CNIH3: variants seen among roughly 807,000 people sequenced by gnomAD.
CNIH3 encodes the protein cornichon family AMPA receptor auxiliary protein 3, also known as protein cornichon homolog 3.
A neutral mutation model predicts 24.1 loss-of-function variants in CNIH3; 14 were observed. The observed-to-expected ratio is 0.58, with a 90% CI of 0.38 to 0.91. The LOEUF is 0.91. Ranked by LOEUF, CNIH3 falls within the 40% of genes least tolerant of loss-of-function variation. The pLI is 0.00. For missense variants in CNIH3, 178 were observed against 196.8 expected (o/e 0.90, Z 0.57); for synonymous variants, 68 against 73.8 (o/e 0.92, Z 0.40).
chr1:224,674,208 A>G (rs980323191), intron 1 of CNIH3, among the ~76,000 whole-genome samples: 1 of 142,638 alleles, frequency 7.0e-6, no homozygotes, highest in South Asian at 2.4e-4. Flanking sequence ...CTGATGGGGC[A>G]GCCCTGGGGA....
chr1:224,514,516 T>C (rs914510802), upstream of CNIH3, among the ~76,000 whole-genome samples: 2 of 152,226 alleles, frequency 1.3e-5, no homozygotes, highest in Non-Finnish European at 2.9e-5. Flanking sequence ...ATTTTTCAAA[T>C]ACATATTAAG....
intron 1 of CNIH3, among the ~76,000 whole-genome samples, chr1:224,663,348 C>A (rs1054008128): frequency 1.3e-5 from 2 of 152,168 alleles, no homozygotes. Context: ...ACCTCGACCT[C>A]CCACAGCTAT....
chr1:224,640,801 T>C (rs1343662221), intron 1 of CNIH3, among the ~76,000 whole-genome samples: 1 of 152,058 alleles, frequency 6.6e-6, no homozygotes, highest in Non-Finnish European at 1.5e-5. Flanking sequence ...AAGATTCCCC[T>C]TGTGTGTGTC....
intron 1 of CNIH3, among the ~76,000 whole-genome samples, chr1:224,650,319 A>T (rs542647460): frequency 1.3e-5 from 2 of 152,226 alleles, no homozygotes; most frequent in East Asian, 3.9e-4. Context: ...TTTCCACGGG[A>T]TACAAGTTTC....
rs1689782322 is a variant in CNIH3 at position 224,739,792 on chromosome 1, G to A, written c.*436G>A. 5.8e-6 allele frequency: 1 copy of A among 172,412 alleles called. No individual in the cohort carries two copies. Among genetic ancestry groups the A allele is most frequent in the Non-Finnish European group, 1.2e-5 (1 of 82,722 alleles). The allele number at this position is 172,412 out of a possible 1,614,324, so 10.7% of individuals were successfully genotyped here. A position where few individuals can be genotyped will look rare whatever the true frequency, so the allele number is the denominator to read the frequency against. ...ATGACCCAGAGTCAAGGCCAAGTCT[G>A]CAGGGACCTGTTGAAAGCCTCGAGA... On this transcript the variant is annotated 3_prime_UTR_variant, in exon 6 of 6. Coordinates refer to ENST00000272133, the MANE Select transcript of CNIH3 (RefSeq NM_152495.2).
chr1:224,462,328 TTA>T (rs1675949386), intron 1 of CNIH3, among the ~76,000 whole-genome samples: 1 of 152,232 alleles, frequency 6.6e-6, no homozygotes, highest in Admixed American at 6.6e-5. Context: ...AAAAATCCTG[TTA>T]TGTTTAAATT....
chr1:224,441,060 C>T (rs1303606810), intron 1 of CNIH3, among the ~76,000 whole-genome samples: 1 of 152,152 alleles, frequency 6.6e-6, no homozygotes, highest in Admixed American at 6.5e-5. Flanking sequence ...TCATGATCCG[C>T]CCCCCTCGGC....
At chr1:224,544,798 G>A (rs1679641689) in intron 2 of CNIH3, among the ~76,000 whole-genome samples, 1 of 152,158 alleles carries the variant, frequency 6.6e-6, no homozygotes, top group Non-Finnish European at 1.5e-5. Context: ...CACTATTGCT[G>A]TTGCTATTGC....
intron 2 of CNIH3, among the ~76,000 whole-genome samples, chr1:224,533,177 T>C (rs559461192): frequency 1.3e-5 from 2 of 151,282 alleles, no homozygotes; most frequent in East Asian, 1.9e-4. Flanking sequence ...GGCAAAGTCA[T>C]AGAGTTGGGT....
At chr1:224,663,543 A>G (rs577672490) in intron 1 of CNIH3, among the ~76,000 whole-genome samples, 39 of 152,290 alleles carry the variant, frequency 2.6e-4, no homozygotes, top group African/African-American at 9.1e-4. Context: ...TTGGACCCAC[A>G]AAACATACTT....
At chr1:224,513,370 G>T (rs35063215), upstream of CNIH3, among the ~76,000 whole-genome samples, 47 of 138,676 alleles carry the variant, frequency 3.4e-4, no homozygotes, top group East Asian at 3.6e-3. Flanking sequence ...GGGAGGGGGG[G>T]GGTCTCTCTA....
At chr1:224,473,688 C>T (rs540830103) in intron 1 of CNIH3, among the ~76,000 whole-genome samples, 8 of 152,138 alleles carry the variant, frequency 5.3e-5, no homozygotes, top group African/African-American at 1.7e-4. Context: ...GAGAGAGAGA[C>T]AACAATAGCT....
chr1:224,680,500 C>T (rs1301649806), intron 1 of CNIH3, among the ~76,000 whole-genome samples: 1 of 152,218 alleles, frequency 6.6e-6, no homozygotes, highest in Non-Finnish European at 1.5e-5. Flanking sequence ...TTACTGTCAA[C>T]TCTACTGCCT....
chr1:224,615,775 G>C (rs561479143), upstream of CNIH3: 90 of 152,382 alleles, frequency 5.9e-4, no homozygotes, highest in African/African-American at 1.8e-3. Flanking sequence ...GACGTTAATG[G>C]AGAATTTTGC....
intron 1 of CNIH3, among the ~76,000 whole-genome samples, chr1:224,626,033 A>G (rs1683510808): frequency 6.6e-6 from 1 of 152,162 alleles, no homozygotes; most frequent in South Asian, 2.1e-4. Context: ...GATAAGGCAG[A>G]TATTAAATTC....
intron 5 of CNIH3, chr1:224,587,423 A>G (rs1681556330): frequency 6.6e-6 from 1 of 152,272 alleles, no homozygotes. Context: ...CCATCAAGGT[A>G]GGAAGTTTCT....
In CNIH3 at chr1:224,505,536, T is replaced by C. The variant is rs116842810; in HGVS notation, n.204-10205T>C. ...TTGCATCATGCTGAAAACTTTTACA[T>C]ATTATCTCCTTTAACTTTCACAGGA... On this transcript the variant is annotated intron_variant and non_coding_transcript_variant, in intron 1 of 5. Transcript: ENST00000471578. Among the ~76,000 whole-genome samples the C allele has an allele frequency of 1.2e-4, 19 of 152,284 alleles. No individual in the cohort carries two copies. The East Asian group carries it at 2.5e-3, about 20-fold the overall frequency.
intron 1 of CNIH3, among the ~76,000 whole-genome samples, chr1:224,499,635 C>G (rs975722999): frequency 6.6e-6 from 1 of 152,194 alleles, no homozygotes; most frequent in African/African-American, 2.4e-5. Flanking sequence ...TGATTTAACC[C>G]TCTAATACCT....
chr1:224,527,127 C>T (rs138891823), intron 2 of CNIH3, among the ~76,000 whole-genome samples: 13 of 152,188 alleles, frequency 8.5e-5, no homozygotes, highest in African/African-American at 2.4e-4. Context: ...ACTTGATGAG[C>T]GTGAGTGCTC....
Sources: gnomAD v4.1 joint callset for allele counts (sites outside exome capture counted in the v4.1 genomes callset) on GRCh38, gnomAD v4.1.1 for gene constraint, MANE v1.5 for transcripts, NCBI Gene and HGNC (gene_info 2026-07-23, HGNC 2026-07-21) for gene names.